GJB1: variants seen among roughly 807,000 people sequenced by gnomAD.
GJB1 encodes the protein gap junction protein beta 1.
A neutral mutation model predicts 12.0 loss-of-function variants in GJB1; 1 was observed. That is an observed-to-expected ratio of 0.08 (90% CI 0.03 to 0.40). The LOEUF (loss-of-function observed/expected upper bound fraction) is 0.40, where lower values mean the gene tolerates loss of function less well. GJB1 is among the 10% of genes least tolerant of loss of function. The probability of loss-of-function intolerance (pLI) is 0.98; values close to 1 mark genes in which losing one functional copy is unlikely to be tolerated. For missense variants in GJB1, 140 were observed against 250.3 expected (o/e 0.56, Z 2.97); for synonymous variants, 114 against 102.8 (o/e 1.11, Z -0.66).
chrX:71,218,727 CA>C (rs750439496), upstream of GJB1, among the ~76,000 whole-genome samples: 3 of 109,133 alleles, frequency 2.7e-5, no homozygotes. Context: ...ACTAAAAATA[CA>C]AAAAAATTAG....
intron 1 of GJB1, among the ~76,000 whole-genome samples, chrX:71,217,104 A>ATGTGTGTGTGTGTG (rs34246909): frequency 0.057 from 5,357 of 93,426 alleles, 157 homozygotes; most frequent in Non-Finnish European, 0.061. Context: ...GACTAGACGA[A>ATGTGTGTGTGTGTG]TGTGTGTGTG....
Position 71,223,841 on chromosome X carries a change from G to A in GJB1, c.134G>A (p.Gly45Asp). 8.3e-7 allele frequency: 1 copy of A among 1,211,160 alleles called. No homozygotes were observed. The highest frequency in any genetic ancestry group is 2.2e-5 in the Admixed American group (1 of 45,994). Residue 45 changes from glycine to aspartate, a missense_variant, in exon 2 of 2, where the codon GGT becomes GAT. Physicochemically the swap from Gly to Asp is moderately conservative, Grantham distance 94. Around this residue, in one of 4 missense-constraint regions of GJB1, gnomAD observed 16 missense variants for 50.0 expected, o/e 0.32. Transcript: ENST00000361726. ...GTGGTGGCTGCAGAGAGTGTGTGGGGTGATGAGAAATCTTCCTTCATCTGC... is the reference window on the plus strand; with the variant it reads ...GTGGTGGCTGCAGAGAGTGTGTGGGATGATGAGAAATCTTCCTTCATCTGC... Reference protein sequence around the residue: ...VLVVAAESVWGDEKSSFICNT... With the variant: ...VLVVAAESVWDDEKSSFICNT...
upstream of GJB1, among the ~76,000 whole-genome samples, chrX:71,219,481 C>T (rs920328218): frequency 1.8e-5 from 2 of 108,437 alleles, no homozygotes; most frequent in Non-Finnish European, 3.8e-5. Flanking sequence ...TAAGAATAAC[C>T]TGGCCAGGGG....
rs776326931 is a variant in GJB1 at position 71,215,909 on chromosome X, T to G, written c.-17+638T>G. Among the ~76,000 whole-genome samples the G allele has an allele frequency of 2.8e-5, 3 of 108,619 alleles. No homozygotes were observed. The East Asian group carries it at 8.7e-4, about 31-fold the overall frequency. 94.3% of individuals were successfully genotyped at this position (108,619 alleles called of 115,157 possible). On this transcript the variant is annotated intron_variant, in intron 1 of 1. Coordinates refer to the GJB1 transcript ENST00000374029. ...TTTTTGAGACGGACTTTCACTCTTG[T>G]TGCCCTGGCTGGGGTGCAATGGCGC...
upstream of GJB1, among the ~76,000 whole-genome samples, chrX:71,220,809 TTAA>T (rs1386267687): frequency 9.3e-6 from 1 of 107,137 alleles, no homozygotes; most frequent in Admixed American, 1.0e-4. Context: ...CCGGTTATTC[TTAA>T]TAATTCTCTG....
rs746270194 is a variant in GJB1 at position 71,224,271 on chromosome X, C to T, written c.564C>T (p.Thr188=). The T allele has an allele frequency of 5.8e-6, 7 of 1,207,288 alleles. No homozygotes were observed. The Admixed American group carries it at 1.1e-4, about 19-fold the overall frequency. The change falls in exon 2 of 2, where the codon ACC becomes ACT. Residue 188 remains threonine (T), a synonymous_variant. Coordinates refer to ENST00000361726, the MANE Select transcript of GJB1 (RefSeq NM_000166.6). ...TCGTGTCCCGCCCCACCGAGAAAAC[C>T]GTCTTCACCGTCTTCATGCTAGCTG... The part of the protein sequence containing the change: ...DCFVSRPTEK[T]VFTVFMLAAS...
In GJB1 at chrX:71,224,678, T is replaced by G; in HGVS notation, c.*119T>G. 6.1e-6 allele frequency: 4 copies of G among 659,326 alleles called. No individual in the cohort carries two copies. The highest frequency in any genetic ancestry group is 9.6e-6 in the Non-Finnish European group (4 of 417,961). 54.3% of individuals were successfully genotyped at this position (659,326 alleles called of 1,213,427 possible). On this transcript the variant is annotated 3_prime_UTR_variant, in exon 2 of 2. Transcript: ENST00000361726. ...GGGGATTACTCGATCAAAACCTTCC[T>G]TCCCTGGCTACTTCCCTTCCTCCCG... is the stretch of plus-strand genomic sequence containing the variant.
chrX:71,219,573 C>A (rs1232603645), upstream of GJB1, among the ~76,000 whole-genome samples: 1 of 105,832 alleles, frequency 9.4e-6, no homozygotes, highest in Non-Finnish European at 1.9e-5. Context: ...AGATCGAGAC[C>A]ATCCTGGCTA....
At chrX:71,218,445 T>C (rs2092529591), upstream of GJB1, among the ~76,000 whole-genome samples, 1 of 104,708 alleles carries the variant, frequency 9.6e-6, no homozygotes, top group Admixed American at 1.1e-4. Flanking sequence ...AGAAAAGTTA[T>C]ACCTGTAGCC....
chrX:71,223,478 A>G (rs1252600949), intron 1 of GJB1, 143 bp downstream of exon 1: 1 of 448,747 alleles, frequency 2.2e-6, no homozygotes, highest in Non-Finnish European at 3.9e-6. Flanking sequence ...ATGAAAGCGA[A>G]GAAGGGGGAT....
chrX:71,223,890 C>T lies in GJB1; in HGVS notation c.183C>T (p.Asn61=), dbSNP rs1364055284. The change falls in exon 2 of 2, where the codon AAC becomes AAT. Residue 61 remains asparagine, a synonymous_variant. Coordinates refer to ENST00000361726, the MANE Select transcript of GJB1 (RefSeq NM_000166.6). ...FICNTLQPGC[N]SVCYDQFFPI... is the part of the protein sequence containing the mutation. ...GCAACACACTCCAGCCTGGCTGCAA[C>T]AGCGTTTGCTATGACCAATTCTTCC... 8.3e-7 allele frequency: 1 copy of T among 1,210,388 alleles called. No homozygotes were observed. The highest frequency in any genetic ancestry group is 1.8e-5 in the South Asian group (1 of 56,744).
Position 71,224,259 on chromosome X carries a change from C to A in GJB1, c.552C>A (p.Pro184=). Residue 184 remains proline (P), a synonymous_variant, in exon 2 of 2, where the codon CCC becomes CCA. Transcript: ENST00000361726. The part of the protein sequence containing the change: ...PNTVDCFVSR[P]TEKTVFTVFM... ...CAGTGGACTGCTTCGTGTCCCGCCC[C>A]ACCGAGAAAACCGTCTTCACCGTCT... 8.3e-7 allele frequency: 1 copy of A among 1,207,456 alleles called. No individual in the cohort carries two copies. Among genetic ancestry groups the A allele is most frequent in the Admixed American group, 2.2e-5 (1 of 45,971 alleles).
At chrX:71,221,564 T>G (rs1235267424), upstream of GJB1, among the ~76,000 whole-genome samples, 3 of 110,622 alleles carry the variant, frequency 2.7e-5, no homozygotes, top group African/African-American at 9.9e-5. Context: ...GAGCATGCAC[T>G]GGGGTCAGGA....
chrX:71,222,649 TC>T (rs1288154906), upstream of GJB1: 2 of 107,645 alleles, frequency 1.9e-5, no homozygotes, highest in East Asian at 5.9e-4. Flanking sequence ...CATTGTTTCA[TC>T]CTACCTATCC....
In GJB1 at chrX:71,224,329, G is replaced by A. The variant is rs1555937270; in HGVS notation, c.622G>A (p.Glu208Lys). Residue 208 changes from glutamate (E) to lysine (K), a missense_variant, in exon 2 of 2, where the codon GAG becomes AAG. By Grantham distance (56) the Glu-to-Lys change is moderately conservative. Transcript: ENST00000361726. ...SGICIILNVA[E>K]VVYLIIRACA... ...CATCTGCATCATCCTCAATGTGGCC[G>A]AGGTGGTGTACCTCATCATCCGGGC... 8.3e-7 allele frequency: 1 copy of A among 1,208,917 alleles called. No individual in the cohort carries two copies. Among genetic ancestry groups the A allele is most frequent in the Non-Finnish European group, 1.1e-6 (1 of 895,110 alleles).
rs1187450602 is a variant in GJB1, at chrX:71,224,703, G to A, written c.*144G>A. The A allele has an allele frequency of 6.9e-6, 4 of 577,518 alleles. No individual in the cohort carries two copies. Among genetic ancestry groups the A allele is most frequent in the Middle Eastern group, 5.1e-4 (1 of 1,959 alleles). 47.6% of individuals were successfully genotyped at this position (577,518 alleles called of 1,213,427 possible). On this transcript the variant is annotated 3_prime_UTR_variant, in exon 2 of 2. Coordinates refer to ENST00000361726, the MANE Select transcript of GJB1 (RefSeq NM_000166.6). ...TTCCCTGGCTACTTCCCTTCCTCCC[G>A]GGGCCTTCCTTTTGAGGAGCTGGAG...
chrX:71,218,295 A>G (rs1019664371), upstream of GJB1, among the ~76,000 whole-genome samples: 1 of 109,548 alleles, frequency 9.1e-6, no homozygotes, highest in African/African-American at 3.3e-5. Context: ...CCATCTCAAA[A>G]AAAAAGAAAA....
chrX:71,215,843 C>T (rs1413391626), intron 1 of GJB1, among the ~76,000 whole-genome samples: 1 of 109,043 alleles, frequency 9.2e-6, no homozygotes, highest in Non-Finnish European at 1.9e-5. Context: ...CTGACTCAAG[C>T]TGAACTTGGA....
At chrX:71,218,282 A>C (rs1207485335), upstream of GJB1, among the ~76,000 whole-genome samples, 1 of 107,250 alleles carries the variant, frequency 9.3e-6, no homozygotes, top group African/African-American at 3.4e-5. Flanking sequence ...ACAGAGCAAG[A>C]CTCCATCTCA....
Sources: gnomAD v4.1 joint callset for allele counts (sites outside exome capture counted in the v4.1 genomes callset) on GRCh38, gnomAD v4.1.1 for gene constraint, gnomAD v4.1.1 regional missense constraint, MANE v1.5 for transcripts, NCBI Gene and HGNC (gene_info 2026-07-23, HGNC 2026-07-21) for gene names.